LINGO2: variants seen among roughly 807,000 people sequenced by gnomAD.
LINGO2 encodes the protein leucine rich repeat and Ig domain containing 2, also known as leucine-rich repeat and immunoglobulin-like domain-containing nogo receptor-interacting protein 2.
Under a neutral mutation model 30.6 loss-of-function variants are expected in LINGO2, and 14 were observed. That is an observed-to-expected ratio of 0.46 (90% CI 0.30 to 0.72). The LOEUF (loss-of-function observed/expected upper bound fraction) is 0.72, where lower values mean the gene tolerates loss of function less well. LINGO2 is among the 30% of genes least tolerant of loss of function. The probability of loss-of-function intolerance (pLI) is 0.07; values close to 1 mark genes in which losing one functional copy is unlikely to be tolerated. For missense variants in LINGO2, 729 were observed against 751.7 expected (o/e 0.97, Z 0.35); for synonymous variants, 317 against 288.5 (o/e 1.10, Z -1.00).
chr9:28,120,816 T>G (rs936512021), intron 4 of LINGO2, among the ~76,000 whole-genome samples: 1 of 152,176 alleles, frequency 6.6e-6, no homozygotes, highest in Non-Finnish European at 1.5e-5. Flanking sequence ...AGGTTCTCCT[T>G]GCCCAGACCA....
rs1019489896 is a variant in LINGO2, at chr9:28,329,729, C to G, written c.-245-34363G>C. 6.6e-6 allele frequency among the ~76,000 whole-genome samples: 1 copy of G among 152,094 alleles called. No individual in the cohort carries two copies. The highest frequency in any genetic ancestry group is 1.5e-5 in the Non-Finnish European group (1 of 68,026). ...TCTTTATCTGGCTAATTTTAACTTG[C>G]CCTTCAAGACTTCAAACAGGCATGA... On this transcript the variant is annotated intron_variant, in intron 3 of 5. Coordinates refer to ENST00000379992, the Ensembl canonical transcript of LINGO2. This position sits in a 1 kb window ranked among gnomAD's most constrained non-coding sequence, Gnocchi z 4.5.
At chr9:28,577,161 C>A (rs1824030609) in intron 1 of LINGO2, among the ~76,000 whole-genome samples, 1 of 152,106 alleles carries the variant, frequency 6.6e-6, no homozygotes, top group African/African-American at 2.4e-5. Context: ...ATGAGACGGG[C>A]CTGAATTTTG....
At chr9:28,062,832 C>T (rs942923091) in intron 4 of LINGO2, among the ~76,000 whole-genome samples, 24 of 151,710 alleles carry the variant, frequency 1.6e-4, no homozygotes, top group Admixed American at 4.6e-4. Flanking sequence ...CAACTATCAC[C>T]ACATTTTCAT....
In LINGO2 at chr9:28,556,394, C is replaced by T. The variant is rs1293310772; in HGVS notation, c.-364-80369G>A. On this transcript the variant is annotated intron_variant, in intron 1 of 5. Coordinates refer to ENST00000379992, the Ensembl canonical transcript of LINGO2. ...CAAATCATTAGTGAACTCCCACTCA[C>T]AATTGCTTCAAAGAGAATAAAATAC... Among the ~76,000 whole-genome samples the T allele has an allele frequency of 1.8e-4, 27 of 152,020 alleles. 1 individual carries two copies. The highest frequency in any genetic ancestry group is 2.9e-5 in the Non-Finnish European group (2 of 68,046).
intron 5 of LINGO2, among the ~76,000 whole-genome samples, chr9:27,965,460 T>C (rs544849408): frequency 1.5e-3 from 221 of 152,030 alleles, no homozygotes; most frequent in Non-Finnish European, 2.4e-3. Context: ...TCATTTTCTC[T>C]CTGGGTTATG....
At chr9:28,771,204 T>C in the LINGO2 span, among the ~76,000 whole-genome samples, 1 of 152,154 alleles carries the variant, frequency 6.6e-6, no homozygotes, top group Non-Finnish European at 1.5e-5. Context: ...TGAGCACCAG[T>C]TTCATTAAAA....
Position 28,246,021 on chromosome 9 carries a change from C to T in LINGO2, c.-87+49187G>A, listed in dbSNP as rs545918680. 3.3e-5 allele frequency among the ~76,000 whole-genome samples: 5 copies of T among 152,250 alleles called. No homozygotes were observed. The East Asian group carries it at 5.8e-4, about 18-fold the overall frequency. On this transcript the variant is annotated intron_variant, in intron 4 of 5. Transcript: ENST00000379992. ...TAAACAAAAAGAACAAAGCTGGAGGCATCATGCTACCTGACTTCAAACTAT... is the reference window on the plus strand; with the variant it reads ...TAAACAAAAAGAACAAAGCTGGAGGTATCATGCTACCTGACTTCAAACTAT...
At chr9:28,184,811 C>A (rs1651292103) in intron 4 of LINGO2, among the ~76,000 whole-genome samples, 1 of 152,128 alleles carries the variant, frequency 6.6e-6, no homozygotes, top group African/African-American at 2.4e-5. Flanking sequence ...AATAACTGCA[C>A]CCCTATACAT....
the LINGO2 span, among the ~76,000 whole-genome samples, chr9:29,169,110 G>A: frequency 1.3e-5 from 2 of 151,970 alleles, no homozygotes; most frequent in African/African-American, 4.8e-5. Flanking sequence ...ACCGCACCTG[G>A]CTAATTTTTG....
At chr9:29,020,200 T>C in the LINGO2 span, among the ~76,000 whole-genome samples, 1 of 151,502 alleles carries the variant, frequency 6.6e-6, no homozygotes, top group African/African-American at 2.4e-5. Flanking sequence ...GGTGGGCATA[T>C]ATATCTCCTT....
chr9:29,021,386 C>A, the LINGO2 span, among the ~76,000 whole-genome samples: 1 of 152,108 alleles, frequency 6.6e-6, no homozygotes, highest in African/African-American at 2.4e-5. Context: ...AGGCCAGGTG[C>A]GGTGGCTAAC....
the LINGO2 span, among the ~76,000 whole-genome samples, chr9:29,058,969 G>A: frequency 6.6e-6 from 1 of 151,794 alleles, no homozygotes; most frequent in Non-Finnish European, 1.5e-5. Context: ...ATACAAACAT[G>A]TTGTCTACAA....
intron 4 of LINGO2, among the ~76,000 whole-genome samples, chr9:28,248,042 A>T (rs1822065320): frequency 6.6e-6 from 1 of 152,248 alleles, no homozygotes; most frequent in African/African-American, 2.4e-5. Flanking sequence ...TATGGTGAAC[A>T]GTTTGAGGTT....
the LINGO2 span, among the ~76,000 whole-genome samples, chr9:29,153,284 A>G: frequency 6.6e-6 from 1 of 151,982 alleles, no homozygotes; most frequent in Non-Finnish European, 1.5e-5. Context: ...TTGTTTGCTC[A>G]TTTAGCTAGG....
chr9:28,531,433 A>T (rs987840104), intron 1 of LINGO2, among the ~76,000 whole-genome samples: 27 of 152,100 alleles, frequency 1.8e-4, no homozygotes, highest in Admixed American at 1.5e-3. Flanking sequence ...TCCAAACACC[A>T]GTATCCCTTT....
the LINGO2 span, among the ~76,000 whole-genome samples, chr9:29,106,820 G>A: frequency 3.3e-5 from 5 of 152,242 alleles, no homozygotes; most frequent in Non-Finnish European, 7.4e-5. Context: ...AATTTTAGAA[G>A]GATTAAGTGA....
At chr9:28,301,574 C>T (rs2134209947) in intron 3 of LINGO2, among the ~76,000 whole-genome samples, 1 of 152,260 alleles carries the variant, frequency 6.6e-6, no homozygotes, top group Non-Finnish European at 1.5e-5. Context: ...CTTAGACACA[C>T]TCATGTTTAA....
At chr9:28,991,669 G>A in the LINGO2 span, among the ~76,000 whole-genome samples, 113 of 150,660 alleles carry the variant, frequency 7.5e-4, no homozygotes, top group Non-Finnish European at 1.3e-3. Context: ...CGGATCTCTC[G>A]GCAGAAACTC....
the LINGO2 span, among the ~76,000 whole-genome samples, chr9:28,969,508 T>C: frequency 6.6e-6 from 1 of 152,226 alleles, no homozygotes; most frequent in Non-Finnish European, 1.5e-5. Context: ...TAGATGTTTT[T>C]GAGCTGGTTT....
Sources: allele counts gnomAD v4.1 joint callset (sites outside exome capture counted in the v4.1 genomes callset), GRCh38; gene constraint gnomAD v4.1.1; non-coding constraint Gnocchi (gnomAD v3.1); transcripts MANE v1.5; gene names NCBI Gene and HGNC (gene_info 2026-07-23, HGNC 2026-07-21).